Variants in SULT1E1 observed in about 807,000 individuals in gnomAD.
SULT1E1 encodes the protein sulfotransferase family 1E member 1.
In SULT1E1, 36 loss-of-function variants were observed where a neutral mutation model predicts 33.6. The ratio of observed to expected loss-of-function variants is 1.07; its 90% CI spans 0.82 to 1.41. The LOEUF is 1.41. Ranked by LOEUF, SULT1E1 falls within the 40% of genes most tolerant of loss-of-function variation. The pLI, the probability that SULT1E1 is intolerant of heterozygous loss-of-function variation, is 0.00. For missense variants in SULT1E1, 371 were observed against 345.7 expected, an observed-to-expected ratio of 1.07 and a Z score of -0.58; for synonymous variants, 121 against 111.7, an observed-to-expected ratio of 1.08 and a Z score of -0.53.
Position 69,855,398 on chromosome 4 carries a change from A to G in SULT1E1, c.174T>C (p.Tyr58=), listed in dbSNP as rs773850037. Residue 58 remains tyrosine, a synonymous_variant, in exon 3 of 8, where the codon TAT becomes TAC. Transcript: ENST00000226444. ...SGTTWVSEIV[Y]MIYKEGDVEK... ...CCACATCACCCTCTTTATAGATCATATACACAATTTCACTAACCCAGGTTG... is the reference window on the plus strand; with the variant it reads ...CCACATCACCCTCTTTATAGATCATGTACACAATTTCACTAACCCAGGTTG... 4 of 1,612,376 alleles carry G rather than the reference A, an allele frequency of 2.5e-6. 1 individual carries two copies. The highest frequency in any genetic ancestry group is 2.7e-5 in the African/African-American group (2 of 75,000).
At chr4:69,835,666 T>A in the SULT1E1 span, among the ~76,000 whole-genome samples, 1 of 152,250 alleles carries the variant, frequency 6.6e-6, no homozygotes, top group Admixed American at 6.5e-5. Flanking sequence ...TTCTATATCA[T>A]ACACTAACAT....
the SULT1E1 span, among the ~76,000 whole-genome samples, chr4:69,835,330 T>C: frequency 2.6e-5 from 4 of 152,262 alleles, no homozygotes; most frequent in African/African-American, 9.6e-5. Context: ...CATTACATTA[T>C]AAATTCCATA....
At chr4:69,855,543 G>T in intron 2 of SULT1E1, 117 bp from the exon 3 acceptor site, 1 of 936,810 alleles carries the variant, frequency 1.1e-6, no homozygotes, top group Non-Finnish European at 1.5e-6. Flanking sequence ...TTTAAAGGGT[G>T]TCTGAATAGC....
chr4:69,830,061 T>C, the SULT1E1 span, among the ~76,000 whole-genome samples: 7,107 of 152,250 alleles, frequency 0.047, 559 homozygotes, highest in African/African-American at 0.16. Context: ...TCTGGACACT[T>C]GTCCTTCCAG....
chr4:69,834,849 G>A, the SULT1E1 span, among the ~76,000 whole-genome samples: 22 of 152,002 alleles, frequency 1.4e-4, no homozygotes, highest in East Asian at 1.9e-3. Context: ...AGGGAAAATC[G>A]CTGTTTCTAT....
At chr4:69,851,851 A>G (rs1462791986) in intron 4 of SULT1E1, among the ~76,000 whole-genome samples, 3 of 152,148 alleles carry the variant, frequency 2.0e-5, no homozygotes, top group Non-Finnish European at 4.4e-5. Context: ...GGAAACCATC[A>G]TTCTCAGCAA....
At chr4:69,846,318 A>AAAAAG (rs1317610450) in intron 6 of SULT1E1, among the ~76,000 whole-genome samples, 1 of 149,234 alleles carries the variant, frequency 6.7e-6, no homozygotes, top group East Asian at 1.9e-4. Context: ...AAAAAAAAAA[A>AAAAAG]AAAAGAAAAG....
chr4:69,837,868 C>A (rs1720819082), downstream of SULT1E1, among the ~76,000 whole-genome samples: 1 of 152,130 alleles, frequency 6.6e-6, no homozygotes, highest in South Asian at 2.1e-4. Flanking sequence ...ATTACCATTA[C>A]TAGGTGTCTT....
At chr4:69,855,151 G>C (rs1721209738) in intron 3 of SULT1E1, 150 bp downstream of exon 3, 1 of 801,690 alleles carries the variant, frequency 1.2e-6, no homozygotes, top group African/African-American at 1.7e-5. Flanking sequence ...AGCCTGTCAA[G>C]ATTTAAATTT....
intron 5 of SULT1E1, among the ~76,000 whole-genome samples, chr4:69,848,637 A>G (rs974029208): frequency 6.7e-6 from 1 of 150,308 alleles, no homozygotes; most frequent in Non-Finnish European, 1.5e-5. Context: ...CTTAAGACAT[A>G]TGTATTACTC....
At chr4:69,833,833 A>G in the SULT1E1 span, among the ~76,000 whole-genome samples, 3 of 152,096 alleles carry the variant, frequency 2.0e-5, no homozygotes, top group Non-Finnish European at 4.4e-5. Flanking sequence ...CCACCATCTC[A>G]CTACTCCACT....
At chr4:69,846,797 C>A (rs1257197288) in intron 6 of SULT1E1, among the ~76,000 whole-genome samples, 1 of 151,632 alleles carries the variant, frequency 6.6e-6, no homozygotes, top group African/African-American at 2.4e-5. Context: ...AAATTGTTAT[C>A]AGTGTAGTGG....
At chr4:69,826,959 A>G in the SULT1E1 span, among the ~76,000 whole-genome samples, 48 of 152,124 alleles carry the variant, frequency 3.2e-4, no homozygotes, top group Non-Finnish European at 2.5e-4. Context: ...TCCCCTTCCC[A>G]GAAGGAAACA....
the SULT1E1 span, among the ~76,000 whole-genome samples, chr4:69,829,170 G>A: frequency 6.6e-6 from 1 of 152,298 alleles, no homozygotes; most frequent in Admixed American, 6.5e-5. Context: ...TGGCACCACT[G>A]GGTGGATGGT....
chr4:69,843,660 C>T (rs1304453724), intron 7 of SULT1E1, among the ~76,000 whole-genome samples: 1 of 152,074 alleles, frequency 6.6e-6, no homozygotes, highest in East Asian at 1.9e-4. Flanking sequence ...TTTTTTTCTC[C>T]TTATATGTTG....
At chr4:69,822,494 G>A in the SULT1E1 span, among the ~76,000 whole-genome samples, 10 of 152,132 alleles carry the variant, frequency 6.6e-5, no homozygotes, top group Admixed American at 4.6e-4. Context: ...TGCAGTCCCA[G>A]CTACTCGGGA....
chr4:69,843,392 A>G (rs1720916995), intron 7 of SULT1E1, among the ~76,000 whole-genome samples: 1 of 152,226 alleles, frequency 6.6e-6, no homozygotes, highest in Admixed American at 6.5e-5. Context: ...ATATAGTTTG[A>G]GAACTGAATC....
chr4:69,855,733 A>G (rs1415159744), intron 2 of SULT1E1, among the ~76,000 whole-genome samples: 1 of 152,176 alleles, frequency 6.6e-6, no homozygotes, highest in Non-Finnish European at 1.5e-5. Flanking sequence ...TACATCTAAA[A>G]AGTAAGAAGA....
intron 7 of SULT1E1, 36 bp from the exon 8 acceptor site, chr4:69,842,142 C>T: frequency 8.1e-7 from 1 of 1,235,650 alleles, no homozygotes; most frequent in Admixed American, 2.0e-5. Flanking sequence ...AATATTAAGT[C>T]TTCCAAAAAG....
Sources: allele counts gnomAD v4.1 joint callset (sites outside exome capture counted in the v4.1 genomes callset), GRCh38; gene constraint gnomAD v4.1.1; transcripts MANE v1.5; gene names NCBI Gene and HGNC (gene_info 2026-07-23, HGNC 2026-07-21).